Variants in CNTLN observed in about 807,000 individuals in gnomAD.
The protein encoded by CNTLN is centlein, centrosomal protein.
CNTLN carries 212 observed loss-of-function variants against 180.0 expected under a neutral mutation model. That is an observed-to-expected ratio of 1.18 (90% CI 1.05 to 1.32). The LOEUF (loss-of-function observed/expected upper bound fraction) is 1.32, where lower values mean the gene tolerates loss of function less well. Ranked by LOEUF, CNTLN falls within the 40% of genes most tolerant of loss-of-function variation. CNTLN has a pLI of 0.00. For missense variants in CNTLN, 2,095 were observed against 1,610.9 expected, an observed-to-expected ratio of 1.30 and a Z score of -5.14; for synonymous variants, 722 against 563.1, an observed-to-expected ratio of 1.28 and a Z score of -3.99.
At chr9:17,302,265 C>T (rs1030590610) in intron 7 of CNTLN, among the ~76,000 whole-genome samples, 6 of 151,320 alleles carry the variant, frequency 4.0e-5, no homozygotes, top group Non-Finnish European at 1.5e-5. Flanking sequence ...GGCACGATCT[C>T]GACTCACTGC....
intron 23 of CNTLN, among the ~76,000 whole-genome samples, chr9:17,472,886 C>T (rs1318790309): frequency 6.6e-6 from 1 of 152,118 alleles, no homozygotes. Context: ...AACTCAAATT[C>T]ACTGGCCTTA....
intron 13 of CNTLN, among the ~76,000 whole-genome samples, chr9:17,368,629 C>T (rs1824034356): frequency 6.6e-6 from 1 of 152,200 alleles, no homozygotes; most frequent in Non-Finnish European, 1.5e-5. Context: ...ACTCCATCCC[C>T]AGCTCCAGAA....
rs1823080632 is a variant in CNTLN, at chr9:17,359,023, C to T, written c.1887-7594C>T. Among the ~76,000 whole-genome samples the T allele has an allele frequency of 1.3e-5, 2 of 151,950 alleles. 1 individual carries two copies. Among genetic ancestry groups the T allele is most frequent in the Admixed American group, 1.3e-4 (2 of 15,246 alleles). ...TTCCTCTCCTCTCCCCTCCCCTCCC[C>T]TCCCCTCTCTTTTTGAAATAAGGTC... On this transcript the variant is annotated intron_variant, in intron 12 of 25. Coordinates refer to ENST00000380647, the MANE Select transcript of CNTLN (RefSeq NM_017738.4).
chr9:17,317,123 T>G (rs926795999), intron 8 of CNTLN, among the ~76,000 whole-genome samples: 2 of 152,152 alleles, frequency 1.3e-5, no homozygotes, highest in African/African-American at 2.4e-5. Context: ...TCTGATGTAA[T>G]TTTATTATTG....
intron 18 of CNTLN, among the ~76,000 whole-genome samples, chr9:17,416,410 AG>A (rs1371624072): frequency 6.6e-6 from 1 of 152,156 alleles, no homozygotes; most frequent in Non-Finnish European, 1.5e-5. Flanking sequence ...TGAATCTAAA[AG>A]ACACTTTACT....
chr9:17,417,762 CTG>C (rs1828375788), intron 18 of CNTLN, among the ~76,000 whole-genome samples: 1 of 151,948 alleles, frequency 6.6e-6, no homozygotes, highest in Non-Finnish European at 1.5e-5. Flanking sequence ...AACTAAAAAT[CTG>C]TGTTAGACAT....
intron 18 of CNTLN, among the ~76,000 whole-genome samples, chr9:17,430,616 G>T (rs527333840): frequency 1.3e-5 from 2 of 152,004 alleles, no homozygotes; most frequent in South Asian, 4.1e-4. Context: ...AACTGTAGTT[G>T]CCCTACTGTA....
intron 5 of CNTLN, among the ~76,000 whole-genome samples, chr9:17,265,632 C>T (rs1001651499): frequency 7.2e-5 from 11 of 152,032 alleles, no homozygotes; most frequent in Non-Finnish European, 1.2e-4. Flanking sequence ...CCTCTTTGTA[C>T]CTCTGGTAGA....
At chr9:17,506,203 C>T (rs561109156), downstream of CNTLN, among the ~76,000 whole-genome samples, 45 of 151,908 alleles carry the variant, frequency 3.0e-4, no homozygotes, top group African/African-American at 1.0e-3. Context: ...TCTTCAGGAC[C>T]TCAGATTTGG....
the CNTLN span, among the ~76,000 whole-genome samples, chr9:17,524,661 C>G: frequency 6.6e-6 from 1 of 152,218 alleles, no homozygotes; most frequent in Admixed American, 6.5e-5. Flanking sequence ...AACTTTCATT[C>G]TCAGCTTATA....
At chr9:17,434,149 G>C (rs1829613948) in intron 18 of CNTLN, among the ~76,000 whole-genome samples, 1 of 151,854 alleles carries the variant, frequency 6.6e-6, no homozygotes, top group South Asian at 2.1e-4. Flanking sequence ...TATTTTTCTT[G>C]TTCTTGCTAG....
chr9:17,204,143 C>G (rs1371763900), intron 2 of CNTLN, among the ~76,000 whole-genome samples: 1 of 152,182 alleles, frequency 6.6e-6, no homozygotes, highest in Non-Finnish European at 1.5e-5. Flanking sequence ...TATTACCCAC[C>G]TTCTGAAGCT....
chr9:17,226,631 G>T (rs1242398675), intron 3 of CNTLN, among the ~76,000 whole-genome samples: 1 of 151,880 alleles, frequency 6.6e-6, no homozygotes, highest in African/African-American at 2.4e-5. Context: ...TTGTAGAAAA[G>T]ATAAAAATTG....
downstream of CNTLN, among the ~76,000 whole-genome samples, chr9:17,506,392 A>G (rs978853944): frequency 1.3e-5 from 2 of 152,156 alleles, no homozygotes; most frequent in African/African-American, 4.8e-5. Context: ...CCAAAACTCA[A>G]CAGTAAACAA....
chr9:17,436,398 A>G (rs1454416444), intron 18 of CNTLN, among the ~76,000 whole-genome samples: 1 of 152,238 alleles, frequency 6.6e-6, no homozygotes, highest in Non-Finnish European at 1.5e-5. Flanking sequence ...ATGTTGTCCA[A>G]TTACATTAAC....
At chr9:17,398,614 C>A (rs1826721051) in intron 15 of CNTLN, among the ~76,000 whole-genome samples, 1 of 152,152 alleles carries the variant, frequency 6.6e-6, no homozygotes, top group Non-Finnish European at 1.5e-5. Flanking sequence ...CTGATTTCAG[C>A]TAGTTCTTTT....
At chr9:17,135,548 A>G (rs1817651637) in intron 1 of CNTLN, 123 bp downstream of exon 1, 3 of 1,276,412 alleles carry the variant, frequency 2.4e-6, no homozygotes, top group Non-Finnish European at 3.1e-6. Context: ...TGGCAGATGC[A>G]CACCCTGCTT....
chr9:17,487,429 A>G (rs1832948327), intron 25 of CNTLN, among the ~76,000 whole-genome samples: 1 of 152,176 alleles, frequency 6.6e-6, no homozygotes, highest in African/African-American at 2.4e-5. Flanking sequence ...TGAGGAGTTC[A>G]TGGGTTTCAG....
At chr9:17,461,619 T>C (rs1261970199) in intron 19 of CNTLN, among the ~76,000 whole-genome samples, 1 of 151,768 alleles carries the variant, frequency 6.6e-6, no homozygotes, top group African/African-American at 2.4e-5. Flanking sequence ...TTTAATCTTT[T>C]CAAATTCAAA....
Sources: allele counts gnomAD v4.1 joint callset (sites outside exome capture counted in the v4.1 genomes callset), GRCh38; gene constraint gnomAD v4.1.1; transcripts MANE v1.5; gene names NCBI Gene and HGNC (gene_info 2026-07-23, HGNC 2026-07-21).